Variants in USP22 observed in about 807,000 individuals in gnomAD.
USP22 encodes ubiquitin specific peptidase 22.
Under a neutral mutation model 68.1 loss-of-function variants are expected in USP22, and 22 were observed. That is an observed-to-expected ratio of 0.32 (90% CI 0.23 to 0.46). The LOEUF (loss-of-function observed/expected upper bound fraction) is 0.46, where lower values mean the gene tolerates loss of function less well. USP22 is among the 20% of genes least tolerant of loss of function. The probability of loss-of-function intolerance (pLI) is 1.00; values close to 1 mark genes in which losing one functional copy is unlikely to be tolerated. For missense variants in USP22, 433 were observed against 695.8 expected, an observed-to-expected ratio of 0.62 and a Z score of 4.25; for synonymous variants, 279 against 274.2, an observed-to-expected ratio of 1.02 and a Z score of -0.17.
In USP22 at chr17:21,042,835, T is replaced by TGGGGGGCAAGGCCCGGCCGCGCGC. The variant is rs1555531344; in HGVS notation, c.-24_-1dup. On this transcript the variant is annotated 5_prime_UTR_variant, in exon 1 of 13. Coordinates refer to ENST00000261497, the MANE Select transcript of USP22 (RefSeq NM_015276.2). Reference sequence around the variant, plus strand: ...CCCTCGGGCTCTGGCCGGGACACCATGGGGGGCAAGGCCCGGCCGCGCGCG... The same window carrying TGGGGGGCAAGGCCCGGCCGCGCGC: ...CCCTCGGGCTCTGGCCGGGACACCATGGGGGGCAAGGCCCGGCCGCGCGCGGGGGGCAAGGCCCGGCCGCGCGCG... The TGGGGGGCAAGGCCCGGCCGCGCGC allele has an allele frequency of 2.2e-6, 3 of 1,344,964 alleles. No individual in the cohort carries two copies. The highest frequency in any genetic ancestry group is 3.2e-5 in the Admixed American group (1 of 30,970). The allele number at this position is 1,344,964 out of a possible 1,614,324, so 83.3% of individuals were successfully genotyped here.
intron 12 of USP22, 81 bp downstream of exon 12, chr17:21,004,119 TCA>T (rs1913694926): frequency 1.3e-6 from 2 of 1,549,606 alleles, no homozygotes; most frequent in South Asian, 2.4e-5. Flanking sequence ...GGTTCTAGGC[TCA>T]GACATGGGCT....
intron 2 of USP22, among the ~76,000 whole-genome samples, chr17:21,022,880 G>A (rs1170870544): frequency 1.3e-5 from 2 of 151,974 alleles, no homozygotes; most frequent in African/African-American, 2.4e-5. Context: ...ACATGCATGC[G>A]TGTGTTCATC....
intron 1 of USP22, among the ~76,000 whole-genome samples, chr17:21,040,760 T>G (rs1972417934): frequency 6.6e-6 from 1 of 151,060 alleles, no homozygotes; most frequent in Admixed American, 6.6e-5. Flanking sequence ...AGAGGAAGAG[T>G]GGGGCGGTCC....
chr17:21,038,822 A>G (rs113799755), intron 1 of USP22, among the ~76,000 whole-genome samples: 6,095 of 152,348 alleles, frequency 0.04, 161 homozygotes, highest in Non-Finnish European at 0.062. Flanking sequence ...ATGTTAAATC[A>G]TAATCACTTC....
Position 21,042,733 on chromosome 17 carries a change from T to C in USP22, c.103A>G (p.Lys35Glu). 2.0e-6 allele frequency: 3 copies of C among 1,480,612 alleles called. No homozygotes were observed. Among genetic ancestry groups the C allele is most frequent in the South Asian group, 1.3e-5 (1 of 77,098 alleles). 91.7% of individuals were successfully genotyped at this position (1,480,612 alleles called of 1,614,324 possible). ...HLGSFKVDNW[K>E]QNLRAIYQCF... ...TGGTAGATGGCCCGCAGGTTCTGCTTCCAGTTGTCCACCTTGAAGCTGCCC... is the reference window on the plus strand; with the variant it reads ...TGGTAGATGGCCCGCAGGTTCTGCTCCCAGTTGTCCACCTTGAAGCTGCCC... The change falls in exon 1 of 13, where the codon AAG becomes GAG. Residue 35 changes from lysine to glutamate, a missense_variant. Lys to Glu is a moderately conservative substitution (Grantham distance 56). Around this residue, in one of 4 missense-constraint regions of USP22, gnomAD observed 110 missense variants for 89.9 expected, o/e 1.22. Coordinates refer to ENST00000261497, the MANE Select transcript of USP22 (RefSeq NM_015276.2).
intron 2 of USP22, 104 bp downstream of exon 2, chr17:21,028,438 A>C: frequency 1.3e-6 from 2 of 1,535,652 alleles, no homozygotes; most frequent in Non-Finnish European, 1.8e-6. Flanking sequence ...ACTTGAGACA[A>C]ACGACAAAGT....
In USP22 at chr17:21,011,134, G is replaced by A; in HGVS notation, c.1103+17C>T. Reference sequence around the variant, plus strand: ...GCCAGGAGACACGCCCCCGCCGTGTGGGTGCAGGCCTCTCACCGTCGCAGG... The same window carrying A: ...GCCAGGAGACACGCCCCCGCCGTGTAGGTGCAGGCCTCTCACCGTCGCAGG... On this transcript the variant is annotated intron_variant, in intron 8 of 12. Transcript: ENST00000261497. 1.3e-6 allele frequency: 2 copies of A among 1,566,016 alleles called. No homozygotes were observed. The highest frequency in any genetic ancestry group is 1.7e-6 in the Non-Finnish European group (2 of 1,153,882).
chr17:21,012,998 G>A, intron 6 of USP22, 63 bp from the exon 7 acceptor site: 1 of 1,532,872 alleles, frequency 6.5e-7, no homozygotes, highest in East Asian at 2.3e-5. Flanking sequence ...TCTAAGGGAA[G>A]AGCAGTTCAC....
intron 1 of USP22, among the ~76,000 whole-genome samples, chr17:21,034,206 G>A (rs550999874): frequency 1.3e-5 from 2 of 152,100 alleles, no homozygotes; most frequent in South Asian, 2.1e-4. Context: ...TCAATCTAAG[G>A]GTACAGCGAC....
intron 1 of USP22, among the ~76,000 whole-genome samples, chr17:21,030,606 G>A (rs1001414697): frequency 1.3e-5 from 2 of 152,284 alleles, no homozygotes; most frequent in Non-Finnish European, 1.5e-5. Context: ...CGCCTGTGGC[G>A]TGCTCAGACC....
chr17:21,006,432 AT>A (rs1913780187), intron 10 of USP22: 1 of 152,028 alleles, frequency 6.6e-6, no homozygotes, highest in South Asian at 2.1e-4. Flanking sequence ...AAAACAACTC[AT>A]TAACATGTGC....
At chr17:21,023,740 G>C (rs1972187219) in intron 2 of USP22, among the ~76,000 whole-genome samples, 1 of 151,832 alleles carries the variant, frequency 6.6e-6, no homozygotes, top group Non-Finnish European at 1.5e-5. Flanking sequence ...AAAGACCATG[G>C]ATTGAGAGTA....
rs914165106 is a variant in USP22 at position 21,000,674 on chromosome 17, A to T, written c.*2357T>A. On this transcript the variant is annotated 3_prime_UTR_variant, in exon 13 of 13. Transcript: ENST00000261497. ...CACCCCAGTAAACTGGGGCGTCCCA[A>T]GGTGGCAAGCCTTCATGAAGGCACT... 4 of 152,226 alleles carry T rather than the reference A, an allele frequency of 2.6e-5. No homozygotes were observed. Among genetic ancestry groups the T allele is most frequent in the African/African-American group, 9.7e-5 (4 of 41,450 alleles). The allele number at this position is 152,226 out of a possible 1,614,324, so 9.4% of individuals were successfully genotyped here.
At chr17:21,020,977 G>T in intron 3 of USP22, 136 bp downstream of exon 3, 1 of 674,526 alleles carries the variant, frequency 1.5e-6, no homozygotes, top group Non-Finnish European at 2.7e-6. Context: ...GTGGGCCTTA[G>T]GGGAAGGTGG....
intron 2 of USP22, 25 bp downstream of exon 2, chr17:21,028,517 C>A (rs199667979): frequency 1.2e-6 from 2 of 1,610,078 alleles, no homozygotes; most frequent in Non-Finnish European, 1.7e-6. Flanking sequence ...CACAACTATC[C>A]CCCCATCCCA....
chr17:21,014,998 C>T (rs1914086904), intron 6 of USP22, among the ~76,000 whole-genome samples: 1 of 152,212 alleles, frequency 6.6e-6, no homozygotes, highest in Admixed American at 6.5e-5. Flanking sequence ...TGCAAGTGAC[C>T]AGCCCACACT....
chr17:21,019,898 C>T (rs1972132532), intron 3 of USP22, among the ~76,000 whole-genome samples: 1 of 152,226 alleles, frequency 6.6e-6, no homozygotes, highest in Admixed American at 6.5e-5. Flanking sequence ...CAGAATAATA[C>T]ACCCACACTT....
intron 6 of USP22, among the ~76,000 whole-genome samples, chr17:21,013,280 T>G (rs1914024463): frequency 6.6e-6 from 1 of 152,230 alleles, no homozygotes; most frequent in African/African-American, 2.4e-5. Context: ...GTGAGACAGC[T>G]GAACATATGG....
intron 1 of USP22, chr17:21,042,358 A>AGGAGGG (rs1330098806): frequency 1.4e-5 from 2 of 144,894 alleles, no homozygotes; most frequent in African/African-American, 7.1e-5. Context: ...GCGGAGAGAA[A>AGGAGGG]GGAGGGGGAG....
Sources: allele counts gnomAD v4.1 joint callset (sites outside exome capture counted in the v4.1 genomes callset), GRCh38; gene constraint gnomAD v4.1.1; regional missense constraint gnomAD v4.1.1; transcripts MANE v1.5; gene names NCBI Gene and HGNC (gene_info 2026-07-23, HGNC 2026-07-21).